Variants in SLC4A4 observed in about 807,000 individuals in gnomAD.
The protein encoded by SLC4A4 is solute carrier family 4 member 4.
SLC4A4 carries 27 observed loss-of-function variants against 111.5 expected under a neutral mutation model. The ratio of observed to expected loss-of-function variants is 0.24; its 90% CI spans 0.18 to 0.33. The LOEUF (loss-of-function observed/expected upper bound fraction) is 0.33. Ranked by LOEUF, SLC4A4 falls within the 10% of genes least tolerant of loss-of-function variation. The pLI, the probability that SLC4A4 is intolerant of heterozygous loss-of-function variation, is 1.00. For missense variants in SLC4A4, 909 were observed against 1,315.5 expected, an observed-to-expected ratio of 0.69 and a Z score of 4.78; for synonymous variants, 443 against 463.4, an observed-to-expected ratio of 0.96 and a Z score of 0.57.
At chr4:71,279,591 A>G (rs774708414) in intron 3 of SLC4A4, among the ~76,000 whole-genome samples, 5 of 152,148 alleles carry the variant, frequency 3.3e-5, no homozygotes, top group African/African-American at 4.8e-5. Context: ...GAGTGCAGAT[A>G]TTAATATTTC....
intron 2 of SLC4A4, among the ~76,000 whole-genome samples, chr4:71,172,446 G>A (rs1744971936): frequency 6.6e-6 from 1 of 151,862 alleles, no homozygotes; most frequent in South Asian, 2.1e-4. Context: ...AGTAGAGATG[G>A]GGTTTCACCA....
At chr4:71,545,861 G>A (rs1213864118) in intron 18 of SLC4A4, among the ~76,000 whole-genome samples, 12 of 151,982 alleles carry the variant, frequency 7.9e-5, no homozygotes, top group Admixed American at 6.6e-4. Context: ...TGCTTTCAAG[G>A]TGCTTATTAT....
At chr4:71,248,281 G>A (rs1004846974) in intron 2 of SLC4A4, among the ~76,000 whole-genome samples, 9 of 151,958 alleles carry the variant, frequency 5.9e-5, no homozygotes, top group Admixed American at 3.3e-4. Flanking sequence ...GGAGAAATAG[G>A]ATCAACATTT....
intron 16 of SLC4A4, among the ~76,000 whole-genome samples, chr4:71,512,560 T>G (rs957181945): frequency 1.5e-4 from 23 of 152,190 alleles, no homozygotes; most frequent in Non-Finnish European, 1.8e-4. Context: ...ATGAATAATT[T>G]GCAAATATAT....
At chr4:71,124,509 ATTTTGTACATTCGTCTT>A (rs1401860039) in intron 2 of SLC4A4, among the ~76,000 whole-genome samples, 8 of 152,108 alleles carry the variant, frequency 5.3e-5, no homozygotes, top group Non-Finnish European at 1.5e-5. Flanking sequence ...AGTGTTGTAA[ATTTTGTACATTCGTCTT>A]TATCAGGTTT....
chr4:71,311,932 A>AGAGAGAGAGAGAGG, intron 3 of SLC4A4, among the ~76,000 whole-genome samples: 1 of 147,130 alleles, frequency 6.8e-6, no homozygotes, highest in Non-Finnish European at 1.5e-5. Context: ...AGAGAGAGAG[A>AGAGAGAGAGAGAGG]GAAGGAGATA....
chr4:71,238,996 A>G (rs1025262947), intron 2 of SLC4A4, among the ~76,000 whole-genome samples: 22 of 152,244 alleles, frequency 1.4e-4, no homozygotes, highest in African/African-American at 3.4e-4. Flanking sequence ...TTTCCCAAGG[A>G]TATGAGTCCA....
At chr4:71,497,152 T>C (rs1415857067) in intron 15 of SLC4A4, among the ~76,000 whole-genome samples, 2 of 151,894 alleles carry the variant, frequency 1.3e-5, no homozygotes, top group Admixed American at 6.6e-5. Flanking sequence ...TTTTAGAGAG[T>C]CTTACATTTT....
chr4:71,463,908 T>C (rs992971823), intron 12 of SLC4A4, among the ~76,000 whole-genome samples: 13 of 152,214 alleles, frequency 8.5e-5, no homozygotes, highest in Admixed American at 6.5e-4. Context: ...TCTCTTCTTT[T>C]GTATTGCTCT....
chr4:71,364,574 G>C (rs905969204), intron 6 of SLC4A4, among the ~76,000 whole-genome samples: 6 of 152,244 alleles, frequency 3.9e-5, no homozygotes, highest in African/African-American at 1.4e-4. Context: ...ATGGATCCTC[G>C]CAAGGTGGAA....
intron 4 of SLC4A4, among the ~76,000 whole-genome samples, chr4:71,348,313 TCACACA>T (rs35326504): frequency 0.11 from 16,198 of 143,266 alleles, 919 homozygotes; most frequent in South Asian, 0.19. Context: ...ACTAATTTAG[TCACACA>T]CACACACACA....
chr4:71,383,847 A>T (rs1718402224), intron 6 of SLC4A4, among the ~76,000 whole-genome samples: 1 of 152,148 alleles, frequency 6.6e-6, no homozygotes, highest in South Asian at 2.1e-4. Flanking sequence ...CATTAGGCCC[A>T]TCCAGAAAGG....
At chr4:71,549,786 A>G (rs1478898744) in intron 20 of SLC4A4, among the ~76,000 whole-genome samples, 2 of 151,854 alleles carry the variant, frequency 1.3e-5, no homozygotes, top group African/African-American at 4.8e-5. Context: ...TACATTTTCA[A>G]CAACGCCTCT....
intron 20 of SLC4A4, among the ~76,000 whole-genome samples, chr4:71,548,318 A>T (rs1341681042): frequency 6.6e-6 from 1 of 151,978 alleles, no homozygotes; most frequent in Non-Finnish European, 1.5e-5. Flanking sequence ...GAAAAATTAT[A>T]TGATATTGGT....
chr4:71,307,936 C>T (rs1287512640), intron 3 of SLC4A4, among the ~76,000 whole-genome samples: 1 of 152,152 alleles, frequency 6.6e-6, no homozygotes, highest in Non-Finnish European at 1.5e-5. Flanking sequence ...TCTTACACTG[C>T]CCCAACTATG....
chr4:71,319,824 G>A (rs1226300510), intron 3 of SLC4A4, among the ~76,000 whole-genome samples: 1 of 151,864 alleles, frequency 6.6e-6, no homozygotes, highest in Non-Finnish European at 1.5e-5. Flanking sequence ...GGAGAAGGAG[G>A]GATTTGCTCT....
intron 12 of SLC4A4, among the ~76,000 whole-genome samples, chr4:71,462,961 C>T (rs1726979854): frequency 6.6e-6 from 1 of 152,144 alleles, no homozygotes; most frequent in Non-Finnish European, 1.5e-5. Flanking sequence ...AATTTTTCCT[C>T]TCCATAAAAA....
chr4:71,477,492 A>G (rs1383761965), intron 14 of SLC4A4, among the ~76,000 whole-genome samples: 2 of 151,814 alleles, frequency 1.3e-5, no homozygotes, highest in Non-Finnish European at 2.9e-5. Context: ...ATAGATAAAT[A>G]TGAAACATTG....
chr4:71,359,443 T>C (rs1189645982), intron 6 of SLC4A4, among the ~76,000 whole-genome samples: 2 of 152,222 alleles, frequency 1.3e-5, no homozygotes, highest in Non-Finnish European at 2.9e-5. Flanking sequence ...GATTTAGCTT[T>C]GAGAGATCCT....
Sources: gnomAD v4.1 joint callset for allele counts (sites outside exome capture counted in the v4.1 genomes callset) on GRCh38, gnomAD v4.1.1 for gene constraint, MANE v1.5 for transcripts, NCBI Gene and HGNC (gene_info 2026-07-23, HGNC 2026-07-21) for gene names.